Variants in PDE4D observed in about 807,000 individuals in gnomAD.
PDE4D encodes 3',5'-cyclic-AMP phosphodiesterase 4D.
A neutral mutation model predicts 87.4 loss-of-function variants in PDE4D; 24 were observed. The observed-to-expected ratio is 0.27, with a 90% CI of 0.20 to 0.39. The LOEUF (loss-of-function observed/expected upper bound fraction) is 0.39. Ranked by LOEUF, PDE4D falls within the 10% of genes least tolerant of loss-of-function variation. PDE4D has a pLI of 1.00. For synonymous variants in PDE4D, 384 were observed against 383.2 expected (o/e 1.00, Z -0.02); for missense variants, 714 against 1,041.0 (o/e 0.69, Z 4.32).
At chr5:59,929,791 C>A (rs2152786647) in intron 3 of PDE4D, among the ~76,000 whole-genome samples, 1 of 152,144 alleles carries the variant, frequency 6.6e-6, no homozygotes, top group Admixed American at 6.5e-5. Context: ...TAAGACAAGC[C>A]CACCTTACAA....
intron 1 of PDE4D, among the ~76,000 whole-genome samples, chr5:59,237,424 T>A (rs1447058053): frequency 6.6e-6 from 1 of 152,174 alleles, no homozygotes; most frequent in African/African-American, 2.4e-5. Context: ...GTTAAATAAA[T>A]TTTTTGTCAA....
chr5:60,205,787 TGAGACAGGA>T (rs1742440876), intron 1 of PDE4D, among the ~76,000 whole-genome samples: 1 of 151,386 alleles, frequency 6.6e-6, no homozygotes, highest in East Asian at 1.9e-4. Context: ...CTCGGGAGGC[TGAGACAGGA>T]GAGTTGTTCA....
chr5:59,000,037 G>A (rs961999088), intron 6 of PDE4D: 4 of 421,124 alleles, frequency 9.5e-6, no homozygotes, highest in Non-Finnish European at 1.3e-5. Context: ...GTGTGGCCTC[G>A]GTGCAGGCTG....
At chr5:59,470,903 T>C (rs796510177) in intron 1 of PDE4D, among the ~76,000 whole-genome samples, 2 of 152,244 alleles carry the variant, frequency 1.3e-5, no homozygotes, top group African/African-American at 4.8e-5. Context: ...ATCAGCAAAC[T>C]GTGAACTGAC....
In PDE4D at chr5:59,893,548, C is replaced by G. The variant is rs376018608; in HGVS notation, c.75G>C (p.Thr25=). Residue 25 remains threonine (T), a synonymous_variant, in exon 1 of 15, where the codon ACG becomes ACC. Transcript: ENST00000340635. ...GEGSDSAGGA[T]LKAPKHLWRH... ...TCCAGAGATGCTTGGGGGCTTTGAG[C>G]GTGGCCCCGCCGGCGCTGTCGCTGC... 70 of 1,538,572 alleles carry G rather than the reference C, an allele frequency of 4.5e-5. No homozygotes were observed. The highest frequency in any genetic ancestry group is 1.0e-4 in the Admixed American group (5 of 49,970).
chr5:59,618,468 G>A (rs1380492259), intron 1 of PDE4D, among the ~76,000 whole-genome samples: 2 of 152,130 alleles, frequency 1.3e-5, no homozygotes, highest in East Asian at 1.9e-4. Context: ...CAGAACAGGC[G>A]TCGGGTTCTG....
intron 1 of PDE4D, among the ~76,000 whole-genome samples, chr5:60,483,599 TA>T (rs559777123): frequency 4.0e-5 from 6 of 151,028 alleles, no homozygotes; most frequent in African/African-American, 7.3e-5. Context: ...ATTGAGAAGT[TA>T]AAAAAAAACA....
intron 1 of PDE4D, among the ~76,000 whole-genome samples, chr5:59,889,406 A>G (rs1011101507): frequency 1.5e-4 from 22 of 151,604 alleles, no homozygotes; most frequent in Admixed American, 8.5e-4. Context: ...ACTTGAGCAC[A>G]TGTGTTCAAG....
intron 1 of PDE4D, among the ~76,000 whole-genome samples, chr5:60,207,398 T>C (rs920078392): frequency 2.0e-5 from 3 of 152,222 alleles, no homozygotes; most frequent in Admixed American, 6.5e-5. Flanking sequence ...GAGAATGGCA[T>C]GGCAGGGCCC....
At chr5:60,387,428 T>C (rs1206428365) in intron 1 of PDE4D, among the ~76,000 whole-genome samples, 2 of 152,224 alleles carry the variant, frequency 1.3e-5, no homozygotes, top group South Asian at 2.1e-4. Context: ...CAGCAGTGTG[T>C]TCTGTTTTGG....
At chr5:59,565,948 A>G (rs924453193) in intron 1 of PDE4D, among the ~76,000 whole-genome samples, 23 of 152,184 alleles carry the variant, frequency 1.5e-4, no homozygotes, top group South Asian at 6.2e-4. Flanking sequence ...AAGAGACTCA[A>G]TGAAACTGGG....
intron 1 of PDE4D, among the ~76,000 whole-genome samples, chr5:60,235,873 T>C (rs1163321701): frequency 2.0e-5 from 3 of 151,904 alleles, no homozygotes; most frequent in African/African-American, 7.2e-5. Flanking sequence ...CTTAGCCTTA[T>C]TAGACTTTAA....
At chr5:59,332,971 T>C (rs1444162144) in intron 1 of PDE4D, among the ~76,000 whole-genome samples, 3 of 152,206 alleles carry the variant, frequency 2.0e-5, no homozygotes, top group African/African-American at 7.2e-5. Context: ...ATGCAACAGC[T>C]GAAACACCTC....
At chr5:59,064,502 G>A (rs912690890) in intron 5 of PDE4D, among the ~76,000 whole-genome samples, 1 of 152,068 alleles carries the variant, frequency 6.6e-6, no homozygotes, top group Non-Finnish European at 1.5e-5. Flanking sequence ...TTGCTGTCAT[G>A]TCCTACAGGC....
At chr5:59,980,770 T>A (rs1177770659) in intron 3 of PDE4D, among the ~76,000 whole-genome samples, 1 of 152,204 alleles carries the variant, frequency 6.6e-6, no homozygotes, top group Non-Finnish European at 1.5e-5. Flanking sequence ...TTTTGTAAAT[T>A]GAAGGCATGG....
At chr5:60,349,432 CT>C (rs1200916989) in intron 1 of PDE4D, among the ~76,000 whole-genome samples, 1 of 152,118 alleles carries the variant, frequency 6.6e-6, no homozygotes, top group Non-Finnish European at 1.5e-5. Context: ...GTAGCAAATA[CT>C]TTTTATTTTC....
chr5:59,447,941 C>T (rs1798585167), intron 1 of PDE4D, among the ~76,000 whole-genome samples: 1 of 152,126 alleles, frequency 6.6e-6, no homozygotes, highest in Non-Finnish European at 1.5e-5. Flanking sequence ...GGTTCCAGAA[C>T]AAAACGAACA....
At chr5:59,674,193 T>G (rs895182689) in intron 1 of PDE4D, among the ~76,000 whole-genome samples, 21 of 152,276 alleles carry the variant, frequency 1.4e-4, no homozygotes, top group African/African-American at 4.8e-4. Context: ...AACATATTAT[T>G]GTATTTCTAG....
At chr5:60,127,900 C>A (rs1206585935) in intron 2 of PDE4D, among the ~76,000 whole-genome samples, 3 of 151,948 alleles carry the variant, frequency 2.0e-5, no homozygotes, top group Admixed American at 1.3e-4. Flanking sequence ...AAAGGAGGAC[C>A]ACGCCTGAGG....
Sources: allele counts gnomAD v4.1 joint callset (sites outside exome capture counted in the v4.1 genomes callset), GRCh38; gene constraint gnomAD v4.1.1; transcripts MANE v1.5; gene names NCBI Gene and HGNC (gene_info 2026-07-23, HGNC 2026-07-21).